The following HYCC2 variants were observed in gnomAD, a reference collection of about 807,000 sequenced individuals.
The protein encoded by HYCC2 is hyccin PI4KA lipid kinase complex subunit 2, also known as hyccin 2.
At chr2:201,019,804 T>C in the HYCC2 span, among the ~76,000 whole-genome samples, 1 of 151,404 alleles carries the variant, frequency 6.6e-6, no homozygotes, top group Non-Finnish European at 1.5e-5. Flanking sequence ...AAATCTTTAA[T>C]TGTGGCCAGG....
the HYCC2 span, chr2:200,988,463 T>C: frequency 1.3e-6 from 2 of 1,519,026 alleles, no homozygotes; most frequent in South Asian, 1.2e-5. Flanking sequence ...ACAATCAATA[T>C]GCAGTTTTTG....
chr2:201,003,913 A>G, the HYCC2 span, among the ~76,000 whole-genome samples: 7 of 146,698 alleles, frequency 4.8e-5, no homozygotes, highest in African/African-American at 1.8e-4. Flanking sequence ...TTCTGGGTTC[A>G]AGTGATTCTC....
At chr2:201,023,780 C>T in the HYCC2 span, 13 of 514,640 alleles carry the variant, frequency 2.5e-5, no homozygotes, top group Admixed American at 6.9e-5. Context: ...CATATTAGTA[C>T]CATTTTTAAG....
the HYCC2 span, chr2:201,022,369 T>C: frequency 3.5e-6 from 1 of 284,776 alleles, no homozygotes; most frequent in Non-Finnish European, 6.9e-6. Flanking sequence ...CTCTGATCCT[T>C]TTCAGGCTAA....
the HYCC2 span, chr2:200,981,882 A>G: frequency 6.3e-7 from 1 of 1,585,064 alleles, no homozygotes; most frequent in Non-Finnish European, 8.6e-7. The surrounding 1 kb of genome is among the most constrained non-coding windows in gnomAD (Gnocchi z 4.5). Flanking sequence ...CTAAGAAAAC[A>G]AATCAGACAG....
the HYCC2 span, chr2:200,975,114 T>G: frequency 6.6e-6 from 1 of 151,988 alleles, no homozygotes; most frequent in African/African-American, 2.4e-5. Flanking sequence ...AGATTTAGCT[T>G]TAACGGGTAC....
chr2:201,023,634 A>T, the HYCC2 span: 1 of 178,116 alleles, frequency 5.6e-6, no homozygotes, highest in Non-Finnish European at 1.2e-5. Flanking sequence ...GGACAGAAAA[A>T]CGTAGGCATA....
chr2:201,060,115 C>A, the HYCC2 span, among the ~76,000 whole-genome samples: 1 of 150,804 alleles, frequency 6.6e-6, no homozygotes, highest in South Asian at 2.1e-4. Flanking sequence ...GTATGCCTCA[C>A]TTGCATTTGC....
chr2:201,012,929 G>A, the HYCC2 span, among the ~76,000 whole-genome samples: 1 of 148,368 alleles, frequency 6.7e-6, no homozygotes, highest in African/African-American at 2.5e-5. Flanking sequence ...TGGGGGACAA[G>A]AGCGAGACTT....
chr2:200,992,944 C>T, the HYCC2 span: 8 of 1,613,858 alleles, frequency 5.0e-6, no homozygotes, highest in East Asian at 2.2e-5. Flanking sequence ...CAATACTATT[C>T]GACCACAGAG....
At chr2:201,004,513 G>A in the HYCC2 span, among the ~76,000 whole-genome samples, 1 of 152,200 alleles carries the variant, frequency 6.6e-6, no homozygotes, top group Non-Finnish European at 1.5e-5. Context: ...TTCCTCTGGG[G>A]GAAGGTCCTG....
At chr2:200,990,505 A>C in the HYCC2 span, among the ~76,000 whole-genome samples, 1 of 152,034 alleles carries the variant, frequency 6.6e-6, no homozygotes, top group Non-Finnish European at 1.5e-5. Flanking sequence ...AGGTTCAAGC[A>C]ATTATCATGC....
the HYCC2 span, among the ~76,000 whole-genome samples, chr2:200,991,196 G>A: frequency 6.6e-6 from 1 of 152,328 alleles, no homozygotes; most frequent in South Asian, 2.1e-4. Context: ...GAGGCCAGGC[G>A]TGGTAGCTCA....
At chr2:201,028,094 G>A in the HYCC2 span, among the ~76,000 whole-genome samples, 1 of 152,158 alleles carries the variant, frequency 6.6e-6, no homozygotes, top group African/African-American at 2.4e-5. Flanking sequence ...ATCTCCTTAA[G>A]CTGATAAGCA....
At chr2:201,014,490 A>C in the HYCC2 span, among the ~76,000 whole-genome samples, 1 of 152,214 alleles carries the variant, frequency 6.6e-6, no homozygotes, top group Non-Finnish European at 1.5e-5. Context: ...GAATTCTTCA[A>C]GTTGTTTTTA....
At chr2:201,029,384 A>T in the HYCC2 span, among the ~76,000 whole-genome samples, 1 of 152,204 alleles carries the variant, frequency 6.6e-6, no homozygotes, top group African/African-American at 2.4e-5. Context: ...TTCCTCAAGG[A>T]TCTAGAACTA....
chr2:201,042,609 G>GC, the HYCC2 span, among the ~76,000 whole-genome samples: 1 of 148,886 alleles, frequency 6.7e-6, no homozygotes, highest in Admixed American at 6.7e-5. Flanking sequence ...CCCAGCAGCC[G>GC]CCCCGTCTGG....
the HYCC2 span, chr2:201,022,110 T>G: frequency 1.6e-6 from 2 of 1,289,372 alleles, no homozygotes; most frequent in African/African-American, 1.5e-5. Flanking sequence ...TCTTGGAGGC[T>G]GTATCTGGGA....
chr2:201,046,793 G>A, the HYCC2 span, among the ~76,000 whole-genome samples: 1 of 152,160 alleles, frequency 6.6e-6, no homozygotes, highest in Non-Finnish European at 1.5e-5. Flanking sequence ...TCTGGTTGAA[G>A]GTAATTAGGT....
Sources: gnomAD v4.1 joint callset for allele counts (sites outside exome capture counted in the v4.1 genomes callset) on GRCh38, gnomAD v4.1.1 for gene constraint, Gnocchi (gnomAD v3.1) non-coding constraint, MANE v1.5 for transcripts, NCBI Gene and HGNC (gene_info 2026-07-23, HGNC 2026-07-21) for gene names.